KLRG1: variants seen among roughly 807,000 people sequenced by gnomAD.
KLRG1 encodes killer cell lectin-like receptor subfamily G member 1.
Under a neutral mutation model 21.8 loss-of-function variants are expected in KLRG1, and 16 were observed. The ratio of observed to expected loss-of-function variants is 0.73; its 90% CI spans 0.50 to 1.11. The LOEUF is 1.11. KLRG1 is among the 50% of genes most tolerant of loss of function. The probability of loss-of-function intolerance (pLI) is 0.00; values close to 1 mark genes in which losing one functional copy is unlikely to be tolerated. For synonymous variants in KLRG1, 69 were observed against 75.9 expected (o/e 0.91, Z 0.47); for missense variants, 173 against 218.3 (o/e 0.79, Z 1.31).
the KLRG1 span, among the ~76,000 whole-genome samples, chr12:9,022,799 T>C: frequency 6.6e-6 from 1 of 152,174 alleles, no homozygotes; most frequent in Non-Finnish European, 1.5e-5. Flanking sequence ...CCATCAATGA[T>C]GGCCAATGAT....
At chr12:8,969,191 T>C (rs1320923738) in intron 1 of KLRG1, among the ~76,000 whole-genome samples, 2 of 152,216 alleles carry the variant, frequency 1.3e-5, no homozygotes, top group African/African-American at 4.8e-5. Context: ...CCAGCCAGGC[T>C]GAGTCTGCTG....
the KLRG1 span, among the ~76,000 whole-genome samples, chr12:9,038,578 G>A: frequency 6.6e-6 from 1 of 152,086 alleles, no homozygotes; most frequent in Non-Finnish European, 1.5e-5. Context: ...TAGCAAAGTT[G>A]ACACATGAAA....
the KLRG1 span, chr12:9,072,719 G>A: frequency 1.2e-6 from 2 of 1,614,132 alleles, no homozygotes; most frequent in Non-Finnish European, 1.7e-6. Flanking sequence ...CTGGCAATGA[G>A]ACCTGCTGCA....
At chr12:8,964,907 C>T (rs61915961) in intron 1 of KLRG1, among the ~76,000 whole-genome samples, 5 of 151,884 alleles carry the variant, frequency 3.3e-5, no homozygotes, top group Non-Finnish European at 2.9e-5. Flanking sequence ...TCCTCCATCC[C>T]TTTATTTTGA....
chr12:9,211,011 G>C, the KLRG1 span, among the ~76,000 whole-genome samples: 10 of 152,120 alleles, frequency 6.6e-5, no homozygotes, highest in African/African-American at 2.4e-4. Context: ...GCATACACAG[G>C]AGTGAGATTG....
chr12:9,028,826 G>A, the KLRG1 span: 11 of 635,126 alleles, frequency 1.7e-5, no homozygotes, highest in Non-Finnish European at 2.7e-5. Flanking sequence ...TCTTGAGAAA[G>A]CTCTCTTTGG....
chr12:9,172,497 T>A, the KLRG1 span, among the ~76,000 whole-genome samples: 1 of 152,040 alleles, frequency 6.6e-6, no homozygotes, highest in Non-Finnish European at 1.5e-5. Flanking sequence ...TAACCTTAAA[T>A]GTAAATGGGC....
At chr12:9,163,712 C>A in the KLRG1 span, 29 of 1,614,016 alleles carry the variant, frequency 1.8e-5, no homozygotes, top group East Asian at 1.6e-4. Flanking sequence ...CTTTTAATCT[C>A]AGGGACCTCA....
chr12:9,161,048 A>G, the KLRG1 span: 4 of 1,593,550 alleles, frequency 2.5e-6, no homozygotes, highest in Non-Finnish European at 3.4e-6. Context: ...ACTGAGAAAG[A>G]AGCTCTGGCA....
chr12:9,182,224 C>T, the KLRG1 span: 25 of 1,067,832 alleles, frequency 2.3e-5, no homozygotes, highest in Non-Finnish European at 2.8e-5. Flanking sequence ...TTGAGAACTG[C>T]GTCCATTCAT....
chr12:9,066,227 C>G, the KLRG1 span: 2 of 152,366 alleles, frequency 1.3e-5, no homozygotes, highest in African/African-American at 4.8e-5. Context: ...CCCTTGCTCC[C>G]CACAGGGAGA....
At chr12:9,006,178 C>T (rs1374810973) in intron 3 of KLRG1, among the ~76,000 whole-genome samples, 1 of 152,154 alleles carries the variant, frequency 6.6e-6, no homozygotes, top group Non-Finnish European at 1.5e-5. Flanking sequence ...ATACATGTTA[C>T]GTGTGCTTTC....
chr12:9,104,392 T>C, the KLRG1 span: 1 of 1,585,818 alleles, frequency 6.3e-7, no homozygotes, highest in Non-Finnish European at 8.6e-7. Flanking sequence ...TCCCATCTAC[T>C]AGGCGCACCT....
chr12:8,991,964 G>T, intron 1 of KLRG1: 1 of 349,650 alleles, frequency 2.9e-6, no homozygotes, highest in South Asian at 4.0e-5. Context: ...GTAAGTCACA[G>T]TTTCAAAGGA....
chr12:9,037,163 A>G, the KLRG1 span: 1 of 156,134 alleles, frequency 6.4e-6, no homozygotes, highest in Non-Finnish European at 1.4e-5. Flanking sequence ...TGAAGCTTGC[A>G]CTTTCTGCTC....
At chr12:9,212,468 G>C in the KLRG1 span, among the ~76,000 whole-genome samples, 1 of 150,850 alleles carries the variant, frequency 6.6e-6, no homozygotes, top group East Asian at 1.9e-4. Flanking sequence ...ATCTTTTCTA[G>C]TTTTTTTATG....
At chr12:9,038,766 G>T in the KLRG1 span, among the ~76,000 whole-genome samples, 1 of 152,044 alleles carries the variant, frequency 6.6e-6, no homozygotes, top group Non-Finnish European at 1.5e-5. Flanking sequence ...GGGCGTGGTG[G>T]CAGGCACGTG....
intron 1 of KLRG1, among the ~76,000 whole-genome samples, chr12:8,973,886 T>G (rs1381528997): frequency 1.3e-5 from 2 of 152,184 alleles, no homozygotes; most frequent in African/African-American, 4.8e-5. Flanking sequence ...GAAACATGAA[T>G]GATTTTTGTA....
the KLRG1 span, chr12:9,164,109 G>C: frequency 6.2e-7 from 1 of 1,600,732 alleles, no homozygotes; most frequent in Non-Finnish European, 8.6e-7. Context: ...TGATTGATAG[G>C]CCCTTTTGGG....
Sources: allele counts gnomAD v4.1 joint callset (sites outside exome capture counted in the v4.1 genomes callset), GRCh38; gene constraint gnomAD v4.1.1; transcripts MANE v1.5; gene names NCBI Gene and HGNC (gene_info 2026-07-23, HGNC 2026-07-21).